The following MYH11 variants were observed in gnomAD, a reference collection of about 807,000 sequenced individuals.
The protein encoded by MYH11 is myosin heavy chain 11.
A neutral mutation model predicts 246.6 loss-of-function variants in MYH11; 80 were observed. That is an observed-to-expected ratio of 0.32 (90% confidence interval 0.27 to 0.39). The LOEUF (loss-of-function observed/expected upper bound fraction) is 0.39, where lower values mean the gene tolerates loss of function less well. Among genes scored for constraint, MYH11 ranks in the 10% least tolerant of loss-of-function variants. The pLI, the probability that MYH11 is intolerant of heterozygous loss-of-function variation, is 1.00. For synonymous variants in MYH11, 1,071 were observed against 1,015.5 expected (o/e 1.05, Z -1.04); for missense variants, 2,158 against 2,546.8 (o/e 0.85, Z 3.29).
At chr16:15,739,451 A>G (rs2041211162) in intron 23 of MYH11, among the ~76,000 whole-genome samples, 1 of 152,116 alleles carries the variant, frequency 6.6e-6, no homozygotes, top group Admixed American at 6.5e-5. Context: ...CCTGATCACC[A>G]TGGTAAATGA....
intron 9 of MYH11, among the ~76,000 whole-genome samples, chr16:15,771,076 C>T (rs2042089288): frequency 1.3e-5 from 2 of 151,668 alleles, no homozygotes; most frequent in South Asian, 4.2e-4. Flanking sequence ...CTCACTGCAA[C>T]CTCTGCCTTC....
intron 36 of MYH11, chr16:15,718,643 G>A (rs2040300235): frequency 2.8e-6 from 2 of 705,866 alleles, no homozygotes; most frequent in Admixed American, 2.9e-5. Context: ...CAGCAAAGCT[G>A]GGATTGGGAT....
chr16:15,796,853 A>G (rs2151320081), intron 4 of MYH11, among the ~76,000 whole-genome samples: 1 of 152,326 alleles, frequency 6.6e-6, no homozygotes, highest in East Asian at 1.9e-4. Context: ...CCAGAAAACT[A>G]GGAAACCAAG....
At chr16:15,845,233 C>A (rs564798693) in intron 1 of MYH11, among the ~76,000 whole-genome samples, 3 of 151,732 alleles carry the variant, frequency 2.0e-5, no homozygotes, top group Admixed American at 1.3e-4. Flanking sequence ...GGGCCCAGGA[C>A]GGCTTTGAAT....
intron 5 of MYH11, chr16:15,784,903 A>G (rs922585301): frequency 7.7e-6 from 5 of 645,644 alleles, no homozygotes; most frequent in Non-Finnish European, 2.7e-6. Flanking sequence ...ATACGATCAC[A>G]GCTCACTGCA....
chr16:15,778,262 C>A (rs1038988699), intron 7 of MYH11, among the ~76,000 whole-genome samples: 6 of 152,162 alleles, frequency 3.9e-5, no homozygotes, highest in African/African-American at 1.4e-4. Context: ...CAATTTCCTA[C>A]CTAAGAAGTG....
At chr16:15,756,658 C>T (rs1457143520) in intron 13 of MYH11, 144 bp from the exon 14 acceptor site, 1 of 835,654 alleles carries the variant, frequency 1.2e-6, no homozygotes, top group Non-Finnish European at 2.0e-6. Context: ...AGTTTATGAC[C>T]CCCATGCTTC....
chr16:15,793,615 C>CTTTTTTTTTTTTTT (rs572455483), intron 4 of MYH11, among the ~76,000 whole-genome samples: 1 of 93,818 alleles, frequency 1.1e-5, no homozygotes, highest in Non-Finnish European at 2.0e-5. Context: ...CTTTTCTTTT[C>CTTTTTTTTTTTTTT]TTTTTTTTTT....
At position 15,740,195 on chromosome 16, in the gene MYH11, TG is replaced by T; in HGVS notation, c.2860-8del. ...CCAGCTGTTCTTCAAGGTCCTTTGT[TG>T]TGGAGGGAAAAGAGTAACAGCTTTG... On this transcript the variant is annotated splice_region_variant and splice_polypyrimidine_tract_variant and intron_variant, in intron 22 of 40. Coordinates refer to ENST00000300036, the MANE Select transcript of MYH11 (RefSeq NM_002474.3). 2 of 1,614,150 alleles carry T rather than the reference TG, an allele frequency of 1.2e-6. No homozygotes were observed. Among genetic ancestry groups the T allele is most frequent in the Non-Finnish European group, 1.7e-6 (2 of 1,180,018 alleles).
At chr16:15,766,635 G>A (rs1025256426) in intron 9 of MYH11, among the ~76,000 whole-genome samples, 1 of 152,140 alleles carries the variant, frequency 6.6e-6, no homozygotes, top group African/African-American at 2.4e-5. Context: ...GCCTCCCATA[G>A]GGTTGGGATT....
chr16:15,770,241 C>A (rs1664601047), intron 9 of MYH11, among the ~76,000 whole-genome samples: 1 of 152,174 alleles, frequency 6.6e-6, no homozygotes, highest in South Asian at 2.1e-4. Flanking sequence ...ACCCATACAG[C>A]CTAATTTTCC....
chr16:15,753,517 G>A lies in MYH11; in HGVS notation c.1750-9C>T. The A allele has an allele frequency of 6.2e-7, 1 of 1,608,936 alleles. No homozygotes were observed. On this transcript the variant is annotated splice_polypyrimidine_tract_variant and intron_variant, in intron 14 of 40. Coordinates refer to ENST00000300036, the MANE Select transcript of MYH11 (RefSeq NM_002474.3). ...CTCGCATTATAGTCCACCTGCCAAG[G>A]ACACCCTGCTGGTCAGAACCCCTGG...
In MYH11 at chr16:15,759,747, G is replaced by A. The variant is rs746940991; in HGVS notation, c.1249-19C>T. The A allele has an allele frequency of 2.5e-6, 4 of 1,613,644 alleles. No individual in the cohort carries two copies. The highest frequency in any genetic ancestry group is 2.2e-5 in the South Asian group (2 of 91,052). ...AGTCAGCCTGCAGAGGGCAACCAGG[G>A]GAACCCGGTTATTCTCAATGGGCTC... On this transcript the variant is annotated intron_variant, in intron 11 of 40. Coordinates refer to ENST00000300036, the MANE Select transcript of MYH11 (RefSeq NM_002474.3).
In MYH11 at chr16:15,737,434, T is replaced by G. The variant is rs762030312; in HGVS notation, c.3293+15A>C. ...ACATGGACACACAGCAAATGCCCCT[T>G]GCCAGCCCCGCTACCTGGCCAGGGC... On this transcript the variant is annotated intron_variant, in intron 25 of 40. Transcript: ENST00000300036. 4 of 1,610,148 alleles carry G rather than the reference T, an allele frequency of 2.5e-6. No individual in the cohort carries two copies. Among genetic ancestry groups the G allele is most frequent in the Non-Finnish European group, 8.5e-7 (1 of 1,179,988 alleles).
intron 1 of MYH11, among the ~76,000 whole-genome samples, chr16:15,851,609 C>G (rs1281890433): frequency 2.0e-5 from 3 of 152,100 alleles, no homozygotes; most frequent in African/African-American, 4.8e-5. Context: ...CTACCCTCCC[C>G]TCACCATTCA....
chr16:15,706,219 C>A (rs143728194), intron 40 of MYH11, among the ~76,000 whole-genome samples: 6 of 152,174 alleles, frequency 3.9e-5, no homozygotes, highest in Admixed American at 1.3e-4. Flanking sequence ...TCTGGACTTG[C>A]AGCCCTACTA....
intron 3 of MYH11, among the ~76,000 whole-genome samples, chr16:15,813,190 T>G (rs1483413042): frequency 6.7e-6 from 1 of 148,804 alleles, no homozygotes; most frequent in African/African-American, 2.5e-5. Context: ...CAAAAAACAG[T>G]TGTTTTTTTT....
intron 32 of MYH11, 93 bp from the exon 33 acceptor site, chr16:15,721,144 G>C (rs1012733504): frequency 5.1e-5 from 73 of 1,431,288 alleles, no homozygotes; most frequent in Non-Finnish European, 6.7e-5. Flanking sequence ...GGAGATCAGG[G>C]AGGTGGCTTT....
At chr16:15,716,357 C>T (rs1014243667) in intron 38 of MYH11, among the ~76,000 whole-genome samples, 5 of 152,040 alleles carry the variant, frequency 3.3e-5, no homozygotes, top group South Asian at 2.1e-4. Context: ...GCAGGGCGTG[C>T]GAATTACTGA....
Sources: allele counts gnomAD v4.1 joint callset (sites outside exome capture counted in the v4.1 genomes callset), GRCh38; gene constraint gnomAD v4.1.1; transcripts MANE v1.5; gene names NCBI Gene and HGNC (gene_info 2026-07-23, HGNC 2026-07-21).